Variants in ELMO1 observed in about 807,000 individuals in gnomAD.
ELMO1 encodes engulfment and cell motility protein 1.
A neutral mutation model predicts 98.9 loss-of-function variants in ELMO1; 26 were observed. The ratio of observed to expected loss-of-function variants is 0.26; its 90% CI spans 0.19 to 0.36. The LOEUF (loss-of-function observed/expected upper bound fraction) is 0.36, where lower values mean the gene tolerates loss of function less well. Among genes scored for constraint, ELMO1 ranks in the 10% least tolerant of loss-of-function variants. The pLI is 1.00. For missense variants in ELMO1, 627 were observed against 935.2 expected, an observed-to-expected ratio of 0.67 and a Z score of 4.30; for synonymous variants, 346 against 346.0, an observed-to-expected ratio of 1.00 and a Z score of 0.00.
At chr7:36,960,793 T>C (rs1788878807) in intron 16 of ELMO1, among the ~76,000 whole-genome samples, 1 of 152,196 alleles carries the variant, frequency 6.6e-6, no homozygotes, top group Admixed American at 6.5e-5. Flanking sequence ...GATAAGACTT[T>C]GATGAAGATC....
At chr7:36,873,669 T>C (rs1342899731) in intron 19 of ELMO1, among the ~76,000 whole-genome samples, 1 of 152,228 alleles carries the variant, frequency 6.6e-6, no homozygotes, top group African/African-American at 2.4e-5. Flanking sequence ...TGCTAGGCCA[T>C]GATTTCTCCC....
chr7:36,949,117 A>G (rs901841518), intron 16 of ELMO1, among the ~76,000 whole-genome samples: 3 of 152,044 alleles, frequency 2.0e-5, no homozygotes, highest in African/African-American at 7.2e-5. Context: ...TGGCCTCCCA[A>G]ACTGCTGGCA....
At chr7:37,159,129 G>A (rs751293805) in intron 13 of ELMO1, among the ~76,000 whole-genome samples, 1 of 152,102 alleles carries the variant, frequency 6.6e-6, no homozygotes, top group Non-Finnish European at 1.5e-5. Flanking sequence ...ACAGGGAGGG[G>A]AACATCACAC....
intron 14 of ELMO1, among the ~76,000 whole-genome samples, chr7:37,123,303 G>C (rs1229846245): frequency 1.3e-5 from 2 of 151,596 alleles, no homozygotes; most frequent in Admixed American, 6.6e-5. Flanking sequence ...AACTGAAGGA[G>C]ATAGAGACAT....
intron 15 of ELMO1, among the ~76,000 whole-genome samples, chr7:37,094,221 G>A (rs1297809648): frequency 6.6e-6 from 1 of 152,214 alleles, no homozygotes; most frequent in Non-Finnish European, 1.5e-5. Flanking sequence ...TCTCAATGCA[G>A]AAACCAGGCC....
intron 4 of ELMO1, among the ~76,000 whole-genome samples, chr7:37,307,215 CTG>C (rs1214098792): frequency 6.6e-6 from 1 of 152,190 alleles, no homozygotes; most frequent in Non-Finnish European, 1.5e-5. Context: ...CATGTTTTGG[CTG>C]TGTCTCCACC....
intron 8 of ELMO1, among the ~76,000 whole-genome samples, chr7:37,229,511 AT>A (rs1240497631): frequency 6.6e-6 from 1 of 152,194 alleles, no homozygotes; most frequent in Non-Finnish European, 1.5e-5. Context: ...GGGAAAAAAA[AT>A]ATTTCTCCAA....
At position 37,348,897 on chromosome 7, in the gene ELMO1, T is replaced by C. The variant is rs562686584; in HGVS notation, c.-73-6134A>G. ...TTTTCTGAATTTCCCATATAGTTTT[T>C]TAGTTTTGGGTGACTGCAATGGCTT... On this transcript the variant is annotated intron_variant, in intron 1 of 21. Transcript: ENST00000310758. Among the ~76,000 whole-genome samples the C allele has an allele frequency of 8.5e-5, 13 of 152,356 alleles. No individual in the cohort carries two copies. In the South Asian group the frequency reaches 2.7e-3, roughly 32 times the overall value.
At chr7:37,076,572 C>G (rs990404231) in intron 15 of ELMO1, among the ~76,000 whole-genome samples, 1 of 152,174 alleles carries the variant, frequency 6.6e-6, no homozygotes, top group Non-Finnish European at 1.5e-5. Context: ...AAACCCAAAC[C>G]TCTAGTTAGC....
intron 20 of ELMO1, among the ~76,000 whole-genome samples, chr7:36,862,686 G>A (rs866240798): frequency 1.3e-5 from 2 of 152,220 alleles, no homozygotes; most frequent in African/African-American, 4.8e-5. Flanking sequence ...CCAAACCAAC[G>A]CTCTACACTG....
chr7:37,053,398 A>G (rs1796225672), intron 15 of ELMO1, among the ~76,000 whole-genome samples: 1 of 151,956 alleles, frequency 6.6e-6, no homozygotes, highest in African/African-American at 2.4e-5. Context: ...GTCCTGATTT[A>G]TCTTCTAGAG....
intron 17 of ELMO1, among the ~76,000 whole-genome samples, chr7:36,893,359 G>A (rs1056905786): frequency 2.6e-5 from 4 of 152,126 alleles, no homozygotes; most frequent in African/African-American, 9.7e-5. Context: ...AGCTGTTACC[G>A]TCTTCTGGCT....
chr7:37,060,797 ATTAAT>A (rs1796627957), intron 15 of ELMO1, among the ~76,000 whole-genome samples: 1 of 152,120 alleles, frequency 6.6e-6, no homozygotes. Flanking sequence ...AAGTAAATAA[ATTAAT>A]TTGTCAAAAA....
chr7:37,301,107 TG>T (rs1349486918), intron 4 of ELMO1, among the ~76,000 whole-genome samples: 1 of 152,070 alleles, frequency 6.6e-6, no homozygotes, highest in African/African-American at 2.4e-5. Context: ...GTGGGATCGG[TG>T]GTGATATCCC....
At chr7:36,863,790 T>C (rs1056065637) in intron 20 of ELMO1, among the ~76,000 whole-genome samples, 6 of 152,192 alleles carry the variant, frequency 3.9e-5, no homozygotes, top group Admixed American at 1.3e-4. Context: ...GGTAAGGTGA[T>C]AGGTCATAGG....
intron 1 of ELMO1, among the ~76,000 whole-genome samples, chr7:37,422,670 A>G (rs1804523346): frequency 6.6e-6 from 1 of 152,242 alleles, no homozygotes; most frequent in African/African-American, 2.4e-5. Context: ...TTTAGAAAAA[A>G]AAGCGTTTTA....
At chr7:36,924,910 A>T (rs925500163) in intron 16 of ELMO1, among the ~76,000 whole-genome samples, 1 of 152,216 alleles carries the variant, frequency 6.6e-6, no homozygotes, top group African/African-American at 2.4e-5. Flanking sequence ...GAGGAAAAAA[A>T]GCTGATGACT....
At chr7:37,048,595 C>T (rs1795929953) in intron 15 of ELMO1, among the ~76,000 whole-genome samples, 1 of 152,140 alleles carries the variant, frequency 6.6e-6, no homozygotes, top group Non-Finnish European at 1.5e-5. Context: ...AAACATGGAT[C>T]GTTTATTTTA....
intron 14 of ELMO1, among the ~76,000 whole-genome samples, chr7:37,121,435 C>G (rs1786029266): frequency 6.6e-6 from 1 of 152,114 alleles, no homozygotes; most frequent in African/African-American, 2.4e-5. Context: ...CTTAAAGGAC[C>G]TGATGGAGCT....
Sources: gnomAD v4.1 joint callset for allele counts (sites outside exome capture counted in the v4.1 genomes callset) on GRCh38, gnomAD v4.1.1 for gene constraint, MANE v1.5 for transcripts, NCBI Gene and HGNC (gene_info 2026-07-23, HGNC 2026-07-21) for gene names.